Variants in TARBP1 observed in about 807,000 individuals in gnomAD.
The protein encoded by TARBP1 is tRNA (guanosine(18)-2'-O)-methyltransferase TARBP1.
A neutral mutation model predicts 178.6 loss-of-function variants in TARBP1; 144 were observed. The observed-to-expected ratio is 0.81, with a 90% confidence interval of 0.70 to 0.93. TARBP1 has a LOEUF of 0.93. TARBP1 is among the 40% of genes least tolerant of loss of function. The pLI is 0.00. For missense variants in TARBP1, 2,067 were observed against 2,011.7 expected, an observed-to-expected ratio of 1.03 and a Z score of -0.53; for synonymous variants, 787 against 781.0, an observed-to-expected ratio of 1.01 and a Z score of -0.13.
intron 24 of TARBP1, among the ~76,000 whole-genome samples, chr1:234,402,986 C>T (rs1660851999): frequency 6.6e-6 from 1 of 152,094 alleles, no homozygotes; most frequent in African/African-American, 2.4e-5. Context: ...TTTACCTTAC[C>T]TCAAAGCCTG....
intron 23 of TARBP1, among the ~76,000 whole-genome samples, chr1:234,410,182 T>C (rs61825877): frequency 0.15 from 23,114 of 152,274 alleles, 1,785 homozygotes; most frequent in Non-Finnish European, 0.17. Flanking sequence ...ATTAATTTTA[T>C]ACAAGTATCA....
intron 17 of TARBP1, among the ~76,000 whole-genome samples, chr1:234,428,153 A>C (rs895532713): frequency 2.0e-5 from 3 of 152,152 alleles, no homozygotes; most frequent in Non-Finnish European, 4.4e-5. Flanking sequence ...GCAGAAAAGG[A>C]CCAAGAAAGG....
In TARBP1 at chr1:234,446,774, A is replaced by C. The variant is rs770647242; in HGVS notation, c.2134+29T>G. The C allele has an allele frequency of 1.2e-5, 19 of 1,606,660 alleles. No individual in the cohort carries two copies. The South Asian group carries it at 1.8e-4, about 15-fold the overall frequency. On this transcript the variant is annotated intron_variant, in intron 12 of 29. Coordinates refer to ENST00000040877, the MANE Select transcript of TARBP1 (RefSeq NM_005646.4). ...CTAAATACCAATGCTATATCAAGCA[A>C]GATACCAAGAGAAACAACTTATCCT...
intron 29 of TARBP1, 134 bp downstream of exon 29, chr1:234,392,282 G>A: frequency 8.9e-7 from 1 of 1,125,404 alleles, no homozygotes; most frequent in Non-Finnish European, 1.3e-6. Context: ...GTTGTAGTGA[G>A]CCGAGATTGT....
At chr1:234,417,507 T>C (rs1662561902) in intron 22 of TARBP1, among the ~76,000 whole-genome samples, 1 of 152,208 alleles carries the variant, frequency 6.6e-6, no homozygotes, top group African/African-American at 2.4e-5. Context: ...GATATAGAAC[T>C]GATTCTTGGA....
intron 9 of TARBP1, among the ~76,000 whole-genome samples, chr1:234,453,985 A>G (rs1667047736): frequency 6.6e-6 from 1 of 152,244 alleles, no homozygotes; most frequent in Admixed American, 6.5e-5. Context: ...GATGCATTAC[A>G]GAACCGAAAA....
At chr1:234,430,981 A>G (rs1664376429) in intron 14 of TARBP1, among the ~76,000 whole-genome samples, 2 of 152,202 alleles carry the variant, frequency 1.3e-5, no homozygotes, top group African/African-American at 4.8e-5. Context: ...TGCATGTAAA[A>G]CACTTGGAAC....
chr1:234,475,371 G>A (rs2103318272), intron 1 of TARBP1, among the ~76,000 whole-genome samples: 1 of 152,362 alleles, frequency 6.6e-6, no homozygotes, highest in African/African-American at 2.4e-5. Context: ...CTCTAGGGCA[G>A]GGATAGAACC....
intron 28 of TARBP1, 86 bp downstream of exon 28, chr1:234,393,276 C>A: frequency 7.7e-7 from 1 of 1,298,668 alleles, no homozygotes. Context: ...CAAATACAAA[C>A]TTTTTTTTAA....
At chr1:234,410,400 A>G (rs754462871) in intron 23 of TARBP1, 45 bp downstream of exon 23, 4 of 1,208,554 alleles carry the variant, frequency 3.3e-6, no homozygotes, top group Non-Finnish European at 4.7e-6. Context: ...AATACATACA[A>G]TTCTTTTTTT....
rs781459200 is a variant in TARBP1 at position 234,457,738 on chromosome 1, C to G, written c.1651G>C (p.Asp551His). The G allele has an allele frequency of 8.7e-6, 14 of 1,608,434 alleles. 1 individual carries two copies. In the South Asian group the frequency reaches 1.4e-4, roughly 16 times the overall value. The change falls in exon 9 of 30, where the codon GAT becomes CAT. Residue 551 changes from aspartate (D) to histidine (H), a missense_variant. Asp to His is a moderately conservative substitution (Grantham distance 81). Transcript: ENST00000040877. ...LLDVEKVSLS[D>H]VSTFLMSLRQ... is the part of the protein sequence containing the mutation. ...AGAGACATGAGAAAAGTTGAGACAT[C>G]AGAAAGTGACACTTTCTCCTGGGCA...
At chr1:234,445,044 G>A (rs904484549) in intron 12 of TARBP1, among the ~76,000 whole-genome samples, 1 of 152,004 alleles carries the variant, frequency 6.6e-6, no homozygotes, top group Non-Finnish European at 1.5e-5. Flanking sequence ...ATTTCTCTCC[G>A]AGTGGCCCCC....
chr1:234,403,549 T>A (rs939414173), intron 24 of TARBP1, among the ~76,000 whole-genome samples: 1 of 152,230 alleles, frequency 6.6e-6, no homozygotes, highest in Non-Finnish European at 1.5e-5. Context: ...CCCATTTGAC[T>A]GTGAGTCACA....
In TARBP1 at chr1:234,478,944, C is replaced by A; in HGVS notation, c.160G>T (p.Ala54Ser). The change falls in exon 1 of 30, where the codon GCA becomes TCA. Residue 54 changes from alanine to serine, a missense_variant. Physicochemically the swap from Ala to Ser is moderately conservative, Grantham distance 99 (BLOSUM62 1). Transcript: ENST00000040877. ...CGCGCCGCCTCCGGGAGCGCGCCTG[C>A]GCCCCCGCTGCCGCGCGCCTCCTCG... ...EDEEARGSGG[A>S]GALPEAAREV... The A allele has an allele frequency of 2.1e-6, 3 of 1,450,408 alleles. No homozygotes were observed. Among genetic ancestry groups the A allele is most frequent in the South Asian group, 1.3e-5 (1 of 74,264 alleles). The allele number at this position is 1,450,408 out of a possible 1,614,324, so 89.8% of individuals were successfully genotyped here.
chr1:234,429,994 A>C, intron 15 of TARBP1, 93 bp downstream of exon 15: 2 of 1,294,882 alleles, frequency 1.5e-6, no homozygotes, highest in East Asian at 2.3e-5. Flanking sequence ...CTTCAGCCCC[A>C]AAATTCTATA....
chr1:234,437,001 A>G (rs111372350), intron 13 of TARBP1, among the ~76,000 whole-genome samples: 3 of 152,188 alleles, frequency 2.0e-5, no homozygotes, highest in Admixed American at 6.5e-5. Flanking sequence ...AGTACTTCAA[A>G]TATGTTACAT....
chr1:234,457,028 C>G (rs1316437138), intron 9 of TARBP1, among the ~76,000 whole-genome samples: 1 of 152,076 alleles, frequency 6.6e-6, no homozygotes, highest in Non-Finnish European at 1.5e-5. Context: ...AAACTAAACC[C>G]CGTGGTTTAC....
chr1:234,478,274 T>C lies in TARBP1; in HGVS notation c.830A>G (p.Asp277Gly). ...RTVQAGLGQA[D>G]ALTRKRARYL... ...GCGCGCTCGCTTGCGCGTCAGGGCG[T>C]CCGCCTGGCCCAGCCCCGCCTGCAC... is the stretch of plus-strand genomic sequence containing the variant. Residue 277 changes from aspartate (D) to glycine (G), a missense_variant, in exon 1 of 30, where the codon GAC becomes GGC. Coordinates refer to ENST00000040877, the MANE Select transcript of TARBP1 (RefSeq NM_005646.4). 6.3e-7 allele frequency: 1 copy of C among 1,588,820 alleles called. No homozygotes were observed. Among genetic ancestry groups the C allele is most frequent in the African/African-American group, 1.3e-5 (1 of 74,344 alleles).
Position 234,477,418 on chromosome 1 carries a change from G to A in TARBP1, c.931+755C>T, listed in dbSNP as rs188863791. 5.9e-5 allele frequency among the ~76,000 whole-genome samples: 9 copies of A among 152,306 alleles called. No individual in the cohort carries two copies. The East Asian group carries it at 1.5e-3, about 26-fold the overall frequency. ...TACCTGTAATAAATGGTCAGCTACC[G>A]TTGAAAAAGTAGAAATATTCTATTG... On this transcript the variant is annotated intron_variant, in intron 1 of 29. Coordinates refer to ENST00000040877, the MANE Select transcript of TARBP1 (RefSeq NM_005646.4).
Sources: gnomAD v4.1 joint callset for allele counts (sites outside exome capture counted in the v4.1 genomes callset) on GRCh38, gnomAD v4.1.1 for gene constraint, MANE v1.5 for transcripts, NCBI Gene and HGNC (gene_info 2026-07-23, HGNC 2026-07-21) for gene names.